PREP: variants seen among roughly 807,000 people sequenced by gnomAD.
The protein encoded by PREP is dJ355L5.1 (prolyl endopeptidase).
In PREP, 29 loss-of-function variants were observed where a neutral mutation model predicts 87.6. That is an observed-to-expected ratio of 0.33 (90% CI 0.25 to 0.45). The LOEUF (loss-of-function observed/expected upper bound fraction) is 0.45, where lower values mean the gene tolerates loss of function less well. Ranked by LOEUF, PREP falls within the 20% of genes least tolerant of loss-of-function variation. The pLI, the probability that PREP is intolerant of heterozygous loss-of-function variation, is 1.00. For synonymous variants in PREP, 337 were observed against 328.6 expected (o/e 1.03, Z -0.28); for missense variants, 695 against 886.5 (o/e 0.78, Z 2.74).
In PREP at chr6:105,274,094, G is replaced by A. The variant is rs17054949; in HGVS notation, c.*4050C>T. 0.07 allele frequency among the ~76,000 whole-genome samples: 10,582 copies of A among 152,112 alleles called. 456 individuals are homozygous for A. Among genetic ancestry groups the A allele is most frequent in the Admixed American group, 0.12 (1,844 of 15,286 alleles). The stretch of plus-strand genomic sequence containing the variant: ...TGTTTATTATCTTGTTAATAGACTC[G>A]TGGGTATCTTAGTCTGTTTAAGCTG... On this transcript the variant is annotated 3_prime_UTR_variant, in exon 15 of 15. Coordinates refer to ENST00000652536, the MANE Select transcript of PREP (RefSeq NM_002726.5).
chr6:105,333,560 C>T (rs1771397384), intron 7 of PREP, 55 bp from the exon 8 acceptor site: 1 of 1,566,520 alleles, frequency 6.4e-7, no homozygotes, highest in East Asian at 2.2e-5. Flanking sequence ...AATGGTGTTG[C>T]TTTGTGTGTA....
At chr6:105,336,190 A>G (rs1163817311) in intron 7 of PREP, among the ~76,000 whole-genome samples, 1 of 152,062 alleles carries the variant, frequency 6.6e-6, no homozygotes, top group East Asian at 1.9e-4. Flanking sequence ...AATCCAGGAG[A>G]TGGAGGTTGC....
intron 1 of PREP, among the ~76,000 whole-genome samples, chr6:105,402,413 T>C (rs1182604277): frequency 7.1e-6 from 1 of 140,660 alleles, no homozygotes; most frequent in East Asian, 2.0e-4. Context: ...TTTTTAAATG[T>C]GACATCACAC....
chr6:105,384,518 T>C (rs1467765009), intron 2 of PREP, among the ~76,000 whole-genome samples: 2 of 152,222 alleles, frequency 1.3e-5, no homozygotes, highest in Non-Finnish European at 2.9e-5. Context: ...CTGTCATAGA[T>C]AATGTGACAG....
chr6:105,334,713 T>TCAACAACAACAACAACAACAACAACAA (rs573991003), intron 7 of PREP, among the ~76,000 whole-genome samples: 2,114 of 150,056 alleles, frequency 0.014, 27 homozygotes, highest in African/African-American at 0.036. Context: ...AGACTCTGTC[T>TCAACAACAACAACAACAACAACAACAA]CAACAACAAC....
intron 6 of PREP, among the ~76,000 whole-genome samples, chr6:105,360,046 C>A (rs371893316): frequency 5.1e-4 from 78 of 152,314 alleles, no homozygotes; most frequent in African/African-American, 1.6e-3. Flanking sequence ...GTGTGTACAA[C>A]ACAGCCCACG....
intron 10 of PREP, among the ~76,000 whole-genome samples, chr6:105,295,448 T>C (rs942910999): frequency 6.6e-6 from 1 of 152,112 alleles, no homozygotes; most frequent in Non-Finnish European, 1.5e-5. Context: ...CAACAAAACC[T>C]TATGTATCAC....
intron 14 of PREP, among the ~76,000 whole-genome samples, chr6:105,279,349 AG>A (rs1770020494): frequency 6.6e-6 from 1 of 152,176 alleles, no homozygotes; most frequent in South Asian, 2.1e-4. Context: ...CCACCAGATA[AG>A]ATGGAGATCT....
intron 2 of PREP, among the ~76,000 whole-genome samples, chr6:105,391,060 CTTT>C (rs1554212311): frequency 7.1e-6 from 1 of 140,168 alleles, no homozygotes; most frequent in Non-Finnish European, 1.6e-5. Flanking sequence ...CACACACACA[CTTT>C]TTTTTTTTTT....
intron 5 of PREP, among the ~76,000 whole-genome samples, chr6:105,370,933 A>C (rs1277114867): frequency 6.6e-6 from 1 of 152,232 alleles, no homozygotes; most frequent in South Asian, 2.1e-4. Context: ...GTATGATACT[A>C]CAACACTGGA....
At chr6:105,290,895 A>C (rs933443353) in intron 10 of PREP, among the ~76,000 whole-genome samples, 2 of 152,024 alleles carry the variant, frequency 1.3e-5, no homozygotes, top group Non-Finnish European at 2.9e-5. Context: ...GGGCAAGAAA[A>C]CTCCTTACAA....
rs1365189497 is a variant in PREP at position 105,276,873 on chromosome 6, G to A, written c.*1271C>T. Among the ~76,000 whole-genome samples the A allele has an allele frequency of 1.3e-5, 2 of 152,160 alleles. No homozygotes were observed. Among genetic ancestry groups the A allele is most frequent in the Non-Finnish European group, 2.9e-5 (2 of 68,032 alleles). On this transcript the variant is annotated 3_prime_UTR_variant, in exon 15 of 15. Transcript: ENST00000652536. ...AAGCACATACATATACAACTTGGAA[G>A]ATGGGACTTACTTGGAAAAGTACAA... is the stretch of plus-strand genomic sequence containing the variant.
intron 9 of PREP, among the ~76,000 whole-genome samples, chr6:105,325,555 ATTC>A (rs1771132608): frequency 6.6e-6 from 1 of 152,230 alleles, no homozygotes; most frequent in African/African-American, 2.4e-5. Context: ...TGACCTCCCT[ATTC>A]TTCTGTCCTG....
Position 105,276,802 on chromosome 6 carries a change from T to C in PREP, c.*1342A>G, listed in dbSNP as rs1299462663. 2.0e-5 allele frequency among the ~76,000 whole-genome samples: 3 copies of C among 152,190 alleles called. No individual in the cohort carries two copies. The highest frequency in any genetic ancestry group is 3.8e-4 in the East Asian group (2 of 5,202). On this transcript the variant is annotated 3_prime_UTR_variant, in exon 15 of 15. Transcript: ENST00000652536. ...GCTTGATAGAAAATGGTATGTCTAA[T>C]TTTTGACCATAACTTGAAACGTAGA...
chr6:105,373,716 G>T, intron 4 of PREP, 138 bp from the exon 5 acceptor site: 2 of 882,034 alleles, frequency 2.3e-6, no homozygotes, highest in Non-Finnish European at 3.4e-6. Flanking sequence ...TGGTAGTGAG[G>T]AATCCCGGGG....
chr6:105,361,558 A>C (rs771370298), intron 6 of PREP, among the ~76,000 whole-genome samples: 2 of 152,208 alleles, frequency 1.3e-5, no homozygotes, highest in Non-Finnish European at 2.9e-5. Flanking sequence ...TAAAAGAATT[A>C]GTTGCACGTA....
At chr6:105,397,556 T>G (rs1479423677) in intron 2 of PREP, among the ~76,000 whole-genome samples, 1 of 152,256 alleles carries the variant, frequency 6.6e-6, no homozygotes, top group Admixed American at 6.5e-5. Flanking sequence ...TTTCATTTTT[T>G]CTTTTGGCAA....
intron 1 of PREP, among the ~76,000 whole-genome samples, chr6:105,399,997 G>A (rs940266474): frequency 3.3e-5 from 5 of 152,110 alleles, no homozygotes; most frequent in African/African-American, 1.2e-4. Context: ...GCCCAGACCG[G>A]GCACCATCAT....
chr6:105,396,420 G>A (rs1174075366), intron 2 of PREP, among the ~76,000 whole-genome samples: 1 of 152,148 alleles, frequency 6.6e-6, no homozygotes, highest in Non-Finnish European at 1.5e-5. Flanking sequence ...AGAAAGAGAT[G>A]ATCATGTGGT....
Sources: allele counts gnomAD v4.1 joint callset (sites outside exome capture counted in the v4.1 genomes callset), GRCh38; gene constraint gnomAD v4.1.1; transcripts MANE v1.5; gene names NCBI Gene and HGNC (gene_info 2026-07-23, HGNC 2026-07-21).